Variants in CMIP observed in about 807,000 individuals in gnomAD.
CMIP encodes C-Maf-inducing protein.
Under a neutral mutation model 97.3 loss-of-function variants are expected in CMIP, and 13 were observed. The ratio of observed to expected loss-of-function variants is 0.13; its 90% CI spans 0.09 to 0.21. The LOEUF (loss-of-function observed/expected upper bound fraction) is 0.21. CMIP is among the 10% of genes least tolerant of loss of function. CMIP has a pLI of 1.00. For missense variants in CMIP, 847 were observed against 1,024.9 expected (o/e 0.83, Z 2.37); for synonymous variants, 538 against 436.3 (o/e 1.23, Z -2.91).
intron 1 of CMIP, among the ~76,000 whole-genome samples, chr16:81,551,082 G>A (rs1304595527): frequency 3.0e-5 from 3 of 101,658 alleles, no homozygotes; most frequent in African/African-American, 1.2e-4. Flanking sequence ...CCCCAGTCCC[G>A]TCACACGCAC....
At chr16:81,701,633 G>A (rs763417857) in intron 15 of CMIP, 27 bp from the exon 16 acceptor site, 37 of 1,613,522 alleles carry the variant, frequency 2.3e-5, no homozygotes, top group South Asian at 6.6e-5. Flanking sequence ...GGCCGGGTCC[G>A]TAATGCACCC....
At chr16:81,666,020 A>AAC (rs1398567697) in intron 7 of CMIP, 2 of 152,162 alleles carry the variant, frequency 1.3e-5, no homozygotes. Flanking sequence ...TTGTTTTCAG[A>AAC]ACACAGGGGA....
chr16:81,455,408 A>T (rs556956269), intron 1 of CMIP, among the ~76,000 whole-genome samples: 2 of 152,364 alleles, frequency 1.3e-5, no homozygotes, highest in South Asian at 4.1e-4. Flanking sequence ...TGGATGAATG[A>T]ACAGCTTGCC....
chr16:81,657,659 A>T (rs745794599), intron 4 of CMIP, 116 bp from the exon 5 acceptor site: 2 of 807,782 alleles, frequency 2.5e-6, no homozygotes, highest in Non-Finnish European at 3.9e-6. Flanking sequence ...TGACAGTGAC[A>T]GTTGGTCTGT....
chr16:81,557,975 C>G (rs2090800358), intron 1 of CMIP, among the ~76,000 whole-genome samples: 1 of 152,156 alleles, frequency 6.6e-6, no homozygotes, highest in Non-Finnish European at 1.5e-5. Context: ...CCCCTGACAC[C>G]TACCATTCTA....
In CMIP at chr16:81,711,619, A is replaced by G. The variant is rs192135531; in HGVS notation, c.*1820A>G. On this transcript the variant is annotated 3_prime_UTR_variant, in exon 21 of 21. Coordinates refer to ENST00000537098, the MANE Select transcript of CMIP (RefSeq NM_198390.3). The stretch of plus-strand genomic sequence containing the variant: ...ATAAAAATAAAAAAAATAAAAAAGG[A>G]AAAAAAAAAAAGAAGAAACAAGACA... The G allele has an allele frequency of 7.2e-4, 2 of 2,786 alleles. No individual in the cohort carries two copies. The highest frequency in any genetic ancestry group is 9.4e-3 in the Admixed American group (1 of 106). The allele number at this position is 2,786 out of a possible 1,614,324, so 0.2% of individuals were successfully genotyped here.
chr16:81,639,188 C>T (rs1202118651), intron 3 of CMIP, among the ~76,000 whole-genome samples: 1 of 152,230 alleles, frequency 6.6e-6, no homozygotes, highest in Non-Finnish European at 1.5e-5. Context: ...GTCTTCAAGT[C>T]TGTAGAATGG....
intron 1 of CMIP, among the ~76,000 whole-genome samples, chr16:81,597,757 C>T (rs944082129): frequency 5.9e-5 from 9 of 152,140 alleles, no homozygotes; most frequent in Non-Finnish European, 8.8e-5. Flanking sequence ...GTTGGACACT[C>T]AACTGTCAAA....
Position 81,614,556 on chromosome 16 carries a change from G to A in CMIP, c.427-6320G>A, listed in dbSNP as rs2091881958. On this transcript the variant is annotated intron_variant, in intron 2 of 20. Coordinates refer to ENST00000537098, the MANE Select transcript of CMIP (RefSeq NM_198390.3). This position sits in a 1 kb window ranked among gnomAD's most constrained non-coding sequence, Gnocchi z 5.3. Reference sequence around the variant, plus strand: ...CATTGGTTTCCCCAGTGGAAATGTGGCAGTGGAGGAAAGGTTGGGTTAGAC... The same window carrying A: ...CATTGGTTTCCCCAGTGGAAATGTGACAGTGGAGGAAAGGTTGGGTTAGAC... Among the ~76,000 whole-genome samples, 1 of 152,130 alleles carries A rather than the reference G, an allele frequency of 6.6e-6. No individual in the cohort carries two copies. The highest frequency in any genetic ancestry group is 2.4e-5 in the African/African-American group (1 of 41,426).
At chr16:81,669,618 C>G (rs1320207163) in intron 7 of CMIP, among the ~76,000 whole-genome samples, 1 of 149,126 alleles carries the variant, frequency 6.7e-6, no homozygotes, top group Non-Finnish European at 1.5e-5. Context: ...TCCTTCCGCA[C>G]CAACCTCTCA....
intron 1 of CMIP, chr16:81,476,367 G>C: frequency 7.6e-6 from 10 of 1,307,970 alleles, no homozygotes; most frequent in Non-Finnish European, 1.1e-5. Flanking sequence ...TGTGAAAGCA[G>C]GAACCCTTAT....
intron 1 of CMIP, among the ~76,000 whole-genome samples, chr16:81,455,553 T>G (rs1398983860): frequency 6.6e-6 from 1 of 152,092 alleles, no homozygotes; most frequent in Non-Finnish European, 1.5e-5. Flanking sequence ...GTTCTACCAC[T>G]CCCCTGCTGC....
intron 8 of CMIP, 31 bp from the exon 9 acceptor site, chr16:81,671,935 C>T (rs1416166153): frequency 7.8e-7 from 1 of 1,283,168 alleles, no homozygotes. Flanking sequence ...CTCCTGCAGG[C>T]TTCTCACCCC....
At chr16:81,683,616 C>T (rs1296857936) in intron 10 of CMIP, among the ~76,000 whole-genome samples, 7 of 149,744 alleles carry the variant, frequency 4.7e-5, no homozygotes, top group East Asian at 4.0e-4. Flanking sequence ...TCTCGAACTC[C>T]TGACCTCAAG....
intron 1 of CMIP, among the ~76,000 whole-genome samples, chr16:81,478,256 C>T (rs1046320718): frequency 3.3e-5 from 5 of 152,178 alleles, no homozygotes; most frequent in Non-Finnish European, 2.9e-5. Context: ...ACATGTAGCA[C>T]AGTGGAAGGA....
At chr16:81,688,152 T>C (rs1428544364) in intron 10 of CMIP, among the ~76,000 whole-genome samples, 2 of 151,758 alleles carry the variant, frequency 1.3e-5, no homozygotes, top group South Asian at 2.1e-4. Flanking sequence ...CATGGTGTGA[T>C]AGAGCCTGAA....
intron 3 of CMIP, among the ~76,000 whole-genome samples, chr16:81,629,648 C>T (rs759483578): frequency 3.9e-5 from 6 of 152,374 alleles, no homozygotes; most frequent in South Asian, 2.1e-4. Flanking sequence ...TCCGAGGCTG[C>T]GTCCATCTTC....
intron 1 of CMIP, among the ~76,000 whole-genome samples, chr16:81,597,678 C>T (rs375855819): frequency 6.6e-6 from 1 of 152,138 alleles, no homozygotes; most frequent in Non-Finnish European, 1.5e-5. Flanking sequence ...CCACCAACTC[C>T]GTGGGGCTCC....
intron 3 of CMIP, among the ~76,000 whole-genome samples, chr16:81,624,739 C>CA (rs1567617098): frequency 6.6e-6 from 1 of 152,110 alleles, no homozygotes; most frequent in South Asian, 2.1e-4. Flanking sequence ...ATGAGGGAGA[C>CA]ACTAGGGTTC....
Sources: allele counts gnomAD v4.1 joint callset (sites outside exome capture counted in the v4.1 genomes callset), GRCh38; gene constraint gnomAD v4.1.1; non-coding constraint Gnocchi (gnomAD v3.1); transcripts MANE v1.5; gene names NCBI Gene and HGNC (gene_info 2026-07-23, HGNC 2026-07-21).